The following XRN2 variants were observed in gnomAD, a reference collection of about 807,000 sequenced individuals.
XRN2 encodes DHM1-like protein.
A neutral mutation model predicts 138.5 loss-of-function variants in XRN2; 44 were observed. The observed-to-expected ratio is 0.32, with a 90% CI of 0.25 to 0.41. The LOEUF is 0.41. Ranked by LOEUF, XRN2 falls within the 10% of genes least tolerant of loss-of-function variation. XRN2 has a pLI of 1.00. For missense variants in XRN2, 937 were observed against 1,169.3 expected, an observed-to-expected ratio of 0.80 and a Z score of 2.90; for synonymous variants, 354 against 369.4, an observed-to-expected ratio of 0.96 and a Z score of 0.48.
chr20:21,354,539 A>C (rs748528270), intron 20 of XRN2, among the ~76,000 whole-genome samples: 1 of 152,226 alleles, frequency 6.6e-6, no homozygotes, highest in Admixed American at 6.5e-5. Context: ...CATGGAGTTA[A>C]GATTCAGAAA....
chr20:21,389,312 C>A lies in XRN2; in HGVS notation c.2827C>A (p.Pro943Thr), dbSNP rs2038965435. Residue 943 changes from proline (P) to threonine (T), a missense_variant, in exon 30 of 30, where the codon CCC becomes ACC. By Grantham distance (38) the Pro-to-Thr change is conservative (BLOSUM62 -1). Around this residue, in one of 6 missense-constraint regions of XRN2, gnomAD observed 372 missense variants for 414.4 expected, o/e 0.90. Transcript: ENST00000377191. ...AGGAAGGAAATACCCTTTGCCACCA[C>A]CCTCAGGAAGATACAATTGGAATTA... ...REGRKYPLPP[P>T]SGRYNWN 1 of 1,612,922 alleles carries A rather than the reference C, an allele frequency of 6.2e-7. No individual in the cohort carries two copies. The highest frequency in any genetic ancestry group is 1.7e-5 in the Admixed American group (1 of 59,904).
chr20:21,320,888 G>A (rs1435515986), intron 1 of XRN2, among the ~76,000 whole-genome samples: 1 of 152,164 alleles, frequency 6.6e-6, no homozygotes, highest in African/African-American at 2.4e-5. Flanking sequence ...CTAACACCAG[G>A]AGGGCTCCTC....
At chr20:21,375,829 TTTTATTTA>T (rs1555788112) in intron 27 of XRN2, among the ~76,000 whole-genome samples, 18 of 135,902 alleles carry the variant, frequency 1.3e-4, no homozygotes, top group African/African-American at 4.9e-4. Flanking sequence ...TTTATTTATT[TTTTATTTA>T]TTTATTTATT....
chr20:21,381,962 A>G, intron 27 of XRN2, 32 bp from the exon 28 acceptor site: 4 of 1,571,306 alleles, frequency 2.5e-6, no homozygotes, highest in Non-Finnish European at 3.4e-6. Context: ...ACTTTTAAAA[A>G]TCTTCTTAAC....
At chr20:21,371,735 T>G (rs943139562) in intron 27 of XRN2, among the ~76,000 whole-genome samples, 13 of 152,364 alleles carry the variant, frequency 8.5e-5, no homozygotes, top group African/African-American at 3.1e-4. Context: ...CCATGGCCTT[T>G]TGCTTCTAGC....
At chr20:21,369,883 A>C (rs962585730) in intron 27 of XRN2, among the ~76,000 whole-genome samples, 5 of 152,136 alleles carry the variant, frequency 3.3e-5, no homozygotes, top group South Asian at 2.1e-4. Context: ...ATGTGATTAC[A>C]TTTGTTCATT....
chr20:21,379,530 T>G (rs981945705), intron 27 of XRN2, among the ~76,000 whole-genome samples: 6 of 152,198 alleles, frequency 3.9e-5, no homozygotes, highest in African/African-American at 1.2e-4. Context: ...TTGCTTAGGT[T>G]TTAACAAAAA....
intron 27 of XRN2, among the ~76,000 whole-genome samples, chr20:21,368,858 C>T (rs1164186147): frequency 6.6e-6 from 1 of 152,122 alleles, no homozygotes. Context: ...GTAATAATCA[C>T]ATCAGGGTAG....
intron 4 of XRN2, among the ~76,000 whole-genome samples, chr20:21,328,876 G>C (rs2038164183): frequency 6.6e-6 from 1 of 152,172 alleles, no homozygotes; most frequent in African/African-American, 2.4e-5. Context: ...TCCAGTAAGA[G>C]GGAGCCTTGG....
At chr20:21,305,764 G>C (rs897007018) in intron 1 of XRN2, among the ~76,000 whole-genome samples, 1 of 29,064 alleles carries the variant, frequency 3.4e-5, no homozygotes, top group Admixed American at 4.9e-4. Context: ...TTTTTTTTTT[G>C]AGACGGAGCC....
intron 27 of XRN2, among the ~76,000 whole-genome samples, chr20:21,373,062 GA>G (rs1389319961): frequency 6.6e-6 from 1 of 151,852 alleles, no homozygotes; most frequent in Non-Finnish European, 1.5e-5. Flanking sequence ...GCCCAGGCTG[GA>G]GTGCAGTGGC....
In XRN2 at chr20:21,330,608, C is replaced by G. The variant is rs776706975; in HGVS notation, c.487-8C>G. On this transcript the variant is annotated splice_region_variant and splice_polypyrimidine_tract_variant and intron_variant, in intron 5 of 29. Transcript: ENST00000377191. ...GATAGGTTAATTTATTTCTTTCTAT[C>G]ATTTTAGGGAACTGAATTCATGGAC... is the stretch of plus-strand genomic sequence containing the variant. 6.2e-7 allele frequency: 1 copy of G among 1,613,666 alleles called. No homozygotes were observed. Among genetic ancestry groups the G allele is most frequent in the South Asian group, 1.1e-5 (1 of 91,036 alleles).
At chr20:21,333,916 A>G (rs779180022) in intron 11 of XRN2, 21 bp from the exon 12 acceptor site, 3 of 1,613,954 alleles carry the variant, frequency 1.9e-6, no homozygotes, top group East Asian at 2.2e-5. Context: ...CTAATGCATA[A>G]TGTTTGTCTC....
chr20:21,359,960 G>T (rs2038618384), intron 24 of XRN2, among the ~76,000 whole-genome samples: 1 of 151,730 alleles, frequency 6.6e-6, no homozygotes, highest in Non-Finnish European at 1.5e-5. Flanking sequence ...GTTGAGTTTA[G>T]GTAAGTTCTT....
chr20:21,346,471 C>G lies in XRN2; in HGVS notation c.1586C>G (p.Ala529Gly). 1.2e-6 allele frequency: 2 copies of G among 1,614,138 alleles called. No individual in the cohort carries two copies. Among genetic ancestry groups the G allele is most frequent in the Non-Finnish European group, 1.7e-6 (2 of 1,180,002 alleles). The change falls in exon 17 of 30, where the codon GCA becomes GGA. Residue 529 changes from alanine (A) to glycine (G), a missense_variant. Physicochemically the swap from Ala to Gly is moderately conservative, Grantham distance 60. Transcript: ENST00000377191. The part of the protein sequence containing the change: ...RYYKNKFDVD[A>G]ADEKFRRKVV... ...TACAAGAACAAATTTGATGTGGATG[C>G]AGCTGATGAGAAATTCCGTCGGAAA...
At chr20:21,320,831 A>G (rs189895947) in intron 1 of XRN2, among the ~76,000 whole-genome samples, 2 of 152,126 alleles carry the variant, frequency 1.3e-5, no homozygotes, top group African/African-American at 4.8e-5. Flanking sequence ...CCTAAATTGT[A>G]GATCTTTCCA....
At chr20:21,327,386 T>G (rs1386036305) in intron 3 of XRN2, among the ~76,000 whole-genome samples, 4 of 152,200 alleles carry the variant, frequency 2.6e-5, no homozygotes, top group Non-Finnish European at 5.9e-5. Flanking sequence ...GCAAGTAGAT[T>G]CTTTTAATTT....
At chr20:21,318,356 CT>C (rs1424711198) in intron 1 of XRN2, among the ~76,000 whole-genome samples, 1 of 151,800 alleles carries the variant, frequency 6.6e-6, no homozygotes, top group Non-Finnish European at 1.5e-5. Flanking sequence ...TTTTGTTGAC[CT>C]TTTTAAACAA....
In XRN2 at chr20:21,387,139, G is replaced by A. The variant is rs1399456973; in HGVS notation, c.2787+133G>A. On this transcript the variant is annotated intron_variant, in intron 29 of 29. Transcript: ENST00000377191. ...AGCTTAGAGTAGCTTGGCTGAACTT[G>A]GGTCTGTCATTAAAAATGTATATGG... The A allele has an allele frequency of 1.2e-5, 15 of 1,244,030 alleles. No homozygotes were observed. In the East Asian group the frequency reaches 3.8e-4, roughly 32 times the overall value. The allele number at this position is 1,244,030 out of a possible 1,614,324, so 77.1% of individuals were successfully genotyped here.
Sources: gnomAD v4.1 joint callset for allele counts (sites outside exome capture counted in the v4.1 genomes callset) on GRCh38, gnomAD v4.1.1 for gene constraint, gnomAD v4.1.1 regional missense constraint, MANE v1.5 for transcripts, NCBI Gene and HGNC (gene_info 2026-07-23, HGNC 2026-07-21) for gene names.